The following CTNNA3 variants were observed in gnomAD, a reference collection of about 807,000 sequenced individuals.
CTNNA3 encodes catenin alpha 3.
A neutral mutation model predicts 95.7 loss-of-function variants in CTNNA3; 76 were observed. The observed-to-expected ratio is 0.79, with a 90% confidence interval of 0.66 to 0.96. The LOEUF (loss-of-function observed/expected upper bound fraction) is 0.96, where lower values mean the gene tolerates loss of function less well. CTNNA3 is among the 40% of genes least tolerant of loss of function. CTNNA3 has a pLI of 0.00. For synonymous variants in CTNNA3, 431 were observed against 374.4 expected, an observed-to-expected ratio of 1.15 and a Z score of -1.74; for missense variants, 1,191 against 1,089.8, an observed-to-expected ratio of 1.09 and a Z score of -1.31.
chr10:67,206,869 G>C (rs920241647), intron 6 of CTNNA3, among the ~76,000 whole-genome samples: 24 of 151,984 alleles, frequency 1.6e-4, no homozygotes, highest in Admixed American at 6.6e-4. Context: ...AACAACTCAC[G>C]CCTGTAATCC....
At chr10:67,363,751 A>C (rs1843090797) in intron 5 of CTNNA3, among the ~76,000 whole-genome samples, 1 of 152,230 alleles carries the variant, frequency 6.6e-6, no homozygotes, top group Admixed American at 6.5e-5. Context: ...CTGGACACAT[A>C]CACTCTCCCA....
chr10:66,729,196 A>G (rs1848874523), intron 9 of CTNNA3, among the ~76,000 whole-genome samples: 1 of 152,240 alleles, frequency 6.6e-6, no homozygotes, highest in Admixed American at 6.5e-5. Flanking sequence ...CAAACATATG[A>G]AAAACAGCTC....
chr10:66,447,713 C>T (rs1279441522), intron 11 of CTNNA3, among the ~76,000 whole-genome samples: 2 of 151,946 alleles, frequency 1.3e-5, no homozygotes, highest in Non-Finnish European at 2.9e-5. Context: ...GACCTAAAAC[C>T]ATAAAAATCC....
chr10:66,667,052 T>C (rs568570218), intron 9 of CTNNA3, among the ~76,000 whole-genome samples: 14 of 152,218 alleles, frequency 9.2e-5, no homozygotes, highest in African/African-American at 2.9e-4. Context: ...TTAACCCCTA[T>C]TGAGTTTATA....
At chr10:66,597,113 C>G (rs753110331) in intron 10 of CTNNA3, among the ~76,000 whole-genome samples, 21 of 151,614 alleles carry the variant, frequency 1.4e-4, no homozygotes, top group Non-Finnish European at 2.8e-4. Flanking sequence ...AAAGACAGAC[C>G]ATTTAAAATT....
At chr10:67,276,352 T>C (rs866296542) in intron 5 of CTNNA3, among the ~76,000 whole-genome samples, 1 of 152,162 alleles carries the variant, frequency 6.6e-6, no homozygotes, top group African/African-American at 2.4e-5. Flanking sequence ...TGCAGTAGGC[T>C]TCAAATAAGT....
intron 17 of CTNNA3, among the ~76,000 whole-genome samples, chr10:65,940,549 G>A (rs1007948084): frequency 6.6e-6 from 1 of 152,134 alleles, no homozygotes; most frequent in Non-Finnish European, 1.5e-5. Flanking sequence ...TGGTACAAAT[G>A]GAAAAGTAGT....
At chr10:67,667,125 A>C (rs773387623) in intron 1 of CTNNA3, among the ~76,000 whole-genome samples, 3 of 152,182 alleles carry the variant, frequency 2.0e-5, no homozygotes, top group Non-Finnish European at 2.9e-5. Context: ...ATATTTGCTA[A>C]ATTTTCATTA....
intron 2 of CTNNA3, among the ~76,000 whole-genome samples, chr10:67,614,523 C>T (rs928147323): frequency 1.3e-5 from 2 of 152,286 alleles, no homozygotes; most frequent in South Asian, 2.1e-4. Flanking sequence ...AGGCAACCTA[C>T]GTCACAATAA....
At chr10:66,999,068 CA>C (rs1249758083) in intron 7 of CTNNA3, among the ~76,000 whole-genome samples, 1 of 151,968 alleles carries the variant, frequency 6.6e-6, no homozygotes, top group South Asian at 2.1e-4. Flanking sequence ...GAAGACAGGG[CA>C]AAAGTTAATA....
intron 12 of CTNNA3, among the ~76,000 whole-genome samples, chr10:66,284,814 T>C (rs1050478878): frequency 9.2e-5 from 14 of 151,934 alleles, no homozygotes; most frequent in African/African-American, 3.4e-4. Context: ...AAAGCTCACA[T>C]AATGCTAAGT....
At chr10:66,286,122 G>T (rs1269870828) in intron 12 of CTNNA3, among the ~76,000 whole-genome samples, 1 of 151,906 alleles carries the variant, frequency 6.6e-6, no homozygotes, top group African/African-American at 2.4e-5. Context: ...ATACATATCA[G>T]TAGACTTGCT....
intron 2 of CTNNA3, among the ~76,000 whole-genome samples, chr10:67,615,017 A>G (rs937780922): frequency 1.3e-5 from 2 of 152,130 alleles, no homozygotes; most frequent in African/African-American, 2.4e-5. Context: ...AATTACTTCT[A>G]TATCCAAAGG....
At chr10:66,083,751 A>G (rs911751011) in intron 14 of CTNNA3, among the ~76,000 whole-genome samples, 39 of 152,236 alleles carry the variant, frequency 2.6e-4, no homozygotes, top group Middle Eastern at 3.4e-3. Context: ...TGTCCCAAAT[A>G]TAAGTATAGG....
intron 11 of CTNNA3, among the ~76,000 whole-genome samples, chr10:66,410,895 A>G (rs1564936513): frequency 6.6e-6 from 1 of 152,312 alleles, no homozygotes; most frequent in East Asian, 1.9e-4. Context: ...CAAGCATTTA[A>G]ACCAGCGGAA....
rs557856593 is a variant in CTNNA3, at chr10:66,128,812, A to G, written c.1885-25563T>C. Among the ~76,000 whole-genome samples, 7 of 152,348 alleles carry G rather than the reference A, an allele frequency of 4.6e-5. No homozygotes were observed. In the South Asian group the frequency reaches 6.2e-4, roughly 14 times the overall value. On this transcript the variant is annotated intron_variant, in intron 13 of 17. Transcript: ENST00000433211. ...ATTATGTGTCAATGTAGGTTCACCA[A>G]TTGAAACAAATGTACCCACTCTGGT... is the stretch of plus-strand genomic sequence containing the variant.
chr10:66,797,776 G>C, intron 7 of CTNNA3, among the ~76,000 whole-genome samples: 1 of 151,850 alleles, frequency 6.6e-6, no homozygotes, highest in Non-Finnish European at 1.5e-5. Flanking sequence ...AGAGACAGAG[G>C]CAGGGTTGTT....
At chr10:67,316,398 T>A (rs970733296) in intron 5 of CTNNA3, among the ~76,000 whole-genome samples, 1 of 152,182 alleles carries the variant, frequency 6.6e-6, no homozygotes, top group Admixed American at 6.5e-5. Context: ...AGCTATTAAA[T>A]TTTTTGTCAA....
intron 13 of CTNNA3, among the ~76,000 whole-genome samples, chr10:66,157,473 T>TGATA (rs756667749): frequency 3.0e-5 from 4 of 135,242 alleles, no homozygotes; most frequent in African/African-American, 1.1e-4. Context: ...GATAGACAGA[T>TGATA]GATAGATAGA....
Sources: gnomAD v4.1 joint callset for allele counts (sites outside exome capture counted in the v4.1 genomes callset) on GRCh38, gnomAD v4.1.1 for gene constraint, MANE v1.5 for transcripts, NCBI Gene and HGNC (gene_info 2026-07-23, HGNC 2026-07-21) for gene names.